CRY1: variants seen among roughly 807,000 people sequenced by gnomAD.
The protein encoded by CRY1 is cryptochrome circadian regulator 1.
A neutral mutation model predicts 76.0 loss-of-function variants in CRY1; 45 were observed. That is an observed-to-expected ratio of 0.59 (90% confidence interval 0.47 to 0.76). The LOEUF (loss-of-function observed/expected upper bound fraction) is 0.76, where lower values mean the gene tolerates loss of function less well. CRY1 is among the 30% of genes least tolerant of loss of function. The pLI is 0.00. For missense variants in CRY1, 587 were observed against 716.4 expected (o/e 0.82, Z 2.06); for synonymous variants, 248 against 244.0 (o/e 1.02, Z -0.15).
intron 12 of CRY1, chr12:106,992,544 C>G (rs535049546): frequency 3.0e-6 from 1 of 329,108 alleles, no homozygotes; most frequent in African/African-American, 2.1e-5. Flanking sequence ...ACCACAAAAT[C>G]ATAAACATCT....
At chr12:107,027,939 G>C (rs1952633852) in intron 1 of CRY1, among the ~76,000 whole-genome samples, 1 of 152,136 alleles carries the variant, frequency 6.6e-6, no homozygotes, top group Non-Finnish European at 1.5e-5. Flanking sequence ...TACCATGCCA[G>C]AATAAAGCCA....
rs1952318893 is a variant in CRY1 at position 107,002,091 on chromosome 12, A to G, written c.411-143T>C. The G allele has an allele frequency of 3.4e-5, 21 of 621,868 alleles. No individual in the cohort carries two copies. In the South Asian group the frequency reaches 4.6e-4, roughly 14 times the overall value. The allele number at this position is 621,868 out of a possible 1,614,324, so 38.5% of individuals were successfully genotyped here. A position where few individuals can be genotyped will look rare whatever the true frequency, so the allele number is the denominator to read the frequency against. Reference sequence around the variant, plus strand: ...GTGTTAGCTTGTTATAATGACCAAGAAATGTGTCCAAAATGATTAATGAGT... The same window carrying G: ...GTGTTAGCTTGTTATAATGACCAAGGAATGTGTCCAAAATGATTAATGAGT... On this transcript the variant is annotated intron_variant, in intron 3 of 12. Transcript: ENST00000008527.
chr12:107,067,781 G>C (rs1213635980), intron 1 of CRY1, among the ~76,000 whole-genome samples: 1 of 152,088 alleles, frequency 6.6e-6, no homozygotes, highest in Non-Finnish European at 1.5e-5. Flanking sequence ...TCTGTGACAA[G>C]GCTGGAATCT....
intron 1 of CRY1, among the ~76,000 whole-genome samples, chr12:107,041,337 C>G (rs1952797263): frequency 6.6e-6 from 1 of 152,062 alleles, no homozygotes; most frequent in South Asian, 2.1e-4. Flanking sequence ...AAAAGGAAAG[C>G]AATTATACTA....
At chr12:107,044,360 G>A (rs147669581) in intron 1 of CRY1, among the ~76,000 whole-genome samples, 30 of 152,234 alleles carry the variant, frequency 2.0e-4, no homozygotes, top group South Asian at 4.2e-4. Flanking sequence ...AGCTGCTGCC[G>A]CCACAAAGTT....
Position 106,992,906 on chromosome 12 carries a change from A to G in CRY1, c.1658-16T>C. The G allele has an allele frequency of 6.2e-7, 1 of 1,613,946 alleles. No homozygotes were observed. Among genetic ancestry groups the G allele is most frequent in the Non-Finnish European group, 8.5e-7 (1 of 1,179,902 alleles). ...GAGCTTCTTCCTGCACATTTAAAAAATGTATGTTTAAGATAGGAAAAGGAA... is the reference window on the plus strand; with the variant it reads ...GAGCTTCTTCCTGCACATTTAAAAAGTGTATGTTTAAGATAGGAAAAGGAA... On this transcript the variant is annotated splice_polypyrimidine_tract_variant and intron_variant, in intron 11 of 12. Transcript: ENST00000008527.
intron 1 of CRY1, among the ~76,000 whole-genome samples, chr12:107,056,280 C>T (rs1384941777): frequency 1.3e-5 from 2 of 152,180 alleles, no homozygotes; most frequent in African/African-American, 4.8e-5. Context: ...TGTGAGGTTG[C>T]CTTGGCACTC....
chr12:107,006,800 T>G (rs1408538392), intron 2 of CRY1, among the ~76,000 whole-genome samples: 1 of 152,000 alleles, frequency 6.6e-6, no homozygotes, highest in African/African-American at 2.4e-5. Flanking sequence ...TAAAGGCACA[T>G]ACCACCACAA....
At chr12:107,025,202 T>C (rs993079900) in intron 1 of CRY1, among the ~76,000 whole-genome samples, 4 of 152,218 alleles carry the variant, frequency 2.6e-5, no homozygotes, top group Non-Finnish European at 5.9e-5. Flanking sequence ...ACACATTTTT[T>C]TAACTTCATA....
At chr12:107,051,923 A>G (rs890265671) in intron 1 of CRY1, among the ~76,000 whole-genome samples, 1 of 149,222 alleles carries the variant, frequency 6.7e-6, no homozygotes, top group Non-Finnish European at 1.5e-5. Context: ...AAAATTAAAT[A>G]AAATCTGTTA....
chr12:107,045,251 C>T (rs1952836811), intron 1 of CRY1, among the ~76,000 whole-genome samples: 1 of 151,956 alleles, frequency 6.6e-6, no homozygotes, highest in Admixed American at 6.6e-5. Flanking sequence ...AAAAAAATGC[C>T]ACCAAAAATA....
chr12:107,016,370 A>T (rs183002891), intron 2 of CRY1, among the ~76,000 whole-genome samples: 417 of 152,174 alleles, frequency 2.7e-3, no homozygotes, highest in African/African-American at 6.6e-3. Context: ...AAACAATTTT[A>T]AAAAAAAGTT....
chr12:107,025,592 G>A (rs1787899828), intron 1 of CRY1, among the ~76,000 whole-genome samples: 2 of 152,078 alleles, frequency 1.3e-5, no homozygotes, highest in Admixed American at 6.5e-5. Flanking sequence ...ACTTTTTAGT[G>A]TTCTCCTTCC....
At chr12:107,022,290 A>G (rs1952568226) in intron 1 of CRY1, 98 bp from the exon 2 acceptor site, 3 of 641,824 alleles carry the variant, frequency 4.7e-6, no homozygotes, top group Non-Finnish European at 7.4e-6. Flanking sequence ...TGAAATGCCA[A>G]CCTATCATCT....
intron 1 of CRY1, among the ~76,000 whole-genome samples, chr12:107,052,140 A>T (rs1313499832): frequency 6.6e-6 from 1 of 151,870 alleles, no homozygotes; most frequent in African/African-American, 2.4e-5. Context: ...GAGAAAGACA[A>T]GAAAAAGAAA....
intron 1 of CRY1, among the ~76,000 whole-genome samples, chr12:107,076,714 T>C (rs1953258026): frequency 6.6e-6 from 1 of 152,034 alleles, no homozygotes; most frequent in South Asian, 2.1e-4. Context: ...CCTGCCCAAA[T>C]GTCATATTGA....
chr12:107,029,091 A>T (rs1304357405), intron 1 of CRY1, among the ~76,000 whole-genome samples: 1 of 152,182 alleles, frequency 6.6e-6, no homozygotes, highest in Non-Finnish European at 1.5e-5. Flanking sequence ...TACTTTAGAG[A>T]CAGGGTCTCG....
At chr12:107,079,085 A>G (rs1345341245) in intron 1 of CRY1, among the ~76,000 whole-genome samples, 1 of 152,014 alleles carries the variant, frequency 6.6e-6, no homozygotes, top group Non-Finnish European at 1.5e-5. Context: ...CACTTATCTG[A>G]GTTCTTATAT....
intron 1 of CRY1, chr12:107,049,762 T>C (rs10735422): frequency 0.69 from 105,307 of 151,756 alleles, 37,349 homozygotes; most frequent in East Asian, 0.97. Context: ...GTATTTTTAG[T>C]ATACATACCT....
Sources: gnomAD v4.1 joint callset for allele counts (sites outside exome capture counted in the v4.1 genomes callset) on GRCh38, gnomAD v4.1.1 for gene constraint, MANE v1.5 for transcripts, NCBI Gene and HGNC (gene_info 2026-07-23, HGNC 2026-07-21) for gene names.